Variants in SNRNP200 observed in about 807,000 individuals in gnomAD.
SNRNP200 encodes U5 small nuclear ribonucleoprotein 200 kDa helicase.
In SNRNP200, 66 loss-of-function variants were observed where a neutral mutation model predicts 255.2. The observed-to-expected ratio is 0.26, with a 90% CI of 0.21 to 0.32. SNRNP200 has a LOEUF of 0.32. Among genes scored for constraint, SNRNP200 ranks in the 10% least tolerant of loss-of-function variants. The probability of loss-of-function intolerance (pLI) is 1.00; values close to 1 mark genes in which losing one functional copy is unlikely to be tolerated. For synonymous variants in SNRNP200, 939 were observed against 1,027.8 expected, an observed-to-expected ratio of 0.91 and a Z score of 1.65; for missense variants, 1,585 against 2,749.8, an observed-to-expected ratio of 0.58 and a Z score of 9.47.
rs3214059 is a variant in SNRNP200 at position 96,288,524 on chromosome 2, C to T, written c.3258+139G>A. On this transcript the variant is annotated intron_variant, in intron 24 of 44. Transcript: ENST00000323853. The stretch of plus-strand genomic sequence containing the variant: ...GTGGCTGTACCACACATGCACCAAC[C>T]AACTACCCGGCAAGAGCAGAACTAA... 1.5e-3 allele frequency: 1,105 copies of T among 761,224 alleles called. 17 individuals carry two copies. The East Asian group carries it at 0.026, about 18-fold the overall frequency. The allele number at this position is 761,224 out of a possible 1,614,324, so 47.2% of individuals were successfully genotyped here. A position where few individuals can be genotyped will look rare whatever the true frequency, so the allele number is the denominator to read the frequency against.
At chr2:96,297,787 G>A (rs1489531455) in intron 9 of SNRNP200, 67 bp from the exon 10 acceptor site, 2 of 1,557,674 alleles carry the variant, frequency 1.3e-6, no homozygotes, top group African/African-American at 1.4e-5. Context: ...GTCCTTTTCT[G>A]CCCCTGCTTA....
Position 96,285,344 on chromosome 2 carries a change from G to C in SNRNP200, c.4004-4C>G, listed in dbSNP as rs765154536. ...CTGTTGTATACAGTGTTAAACACTGGAAACCAACAGAAAGAAGCAGTGTAA... is the reference window on the plus strand; with the variant it reads ...CTGTTGTATACAGTGTTAAACACTGCAAACCAACAGAAAGAAGCAGTGTAA... On this transcript the variant is annotated splice_polypyrimidine_tract_variant and splice_region_variant and intron_variant, in intron 29 of 44. Transcript: ENST00000323853. 6.2e-7 allele frequency: 1 copy of C among 1,614,080 alleles called. No individual in the cohort carries two copies.
chr2:96,299,862 G>A (rs2063941836), intron 5 of SNRNP200, among the ~76,000 whole-genome samples: 1 of 152,220 alleles, frequency 6.6e-6, no homozygotes, highest in Admixed American at 6.5e-5. Flanking sequence ...TAGTGTCACA[G>A]TCAAAACAGG....
In SNRNP200 at chr2:96,297,547, GAA is replaced by G; in HGVS notation, c.1204-13_1204-12del. 3 of 1,614,136 alleles carry G rather than the reference GAA, an allele frequency of 1.9e-6. No homozygotes were observed. Among genetic ancestry groups the G allele is most frequent in the Non-Finnish European group, 2.5e-6 (3 of 1,180,004 alleles). On this transcript the variant is annotated splice_polypyrimidine_tract_variant and intron_variant, in intron 10 of 44. Transcript: ENST00000323853. ...CCGTGGAGCCAGTGCCTGGGAATGTGAAAGACAAAAACACAAAGGAAGTAAGC... is the reference window on the plus strand; with the variant it reads ...CCGTGGAGCCAGTGCCTGGGAATGTGAGACAAAAACACAAAGGAAGTAAGC...
At position 96,283,821 on chromosome 2, in the gene SNRNP200, G is replaced by T. The variant is rs756239479; in HGVS notation, c.4576C>A (p.His1526Asn). Residue 1526 changes from histidine (H) to asparagine (N), a missense_variant, in exon 32 of 45, where the codon CAC (histidine) becomes AAC (asparagine). By Grantham distance (68) the His-to-Asn change is moderately conservative. Coordinates refer to ENST00000323853, the MANE Select transcript of SNRNP200 (RefSeq NM_014014.5). This position sits in a 1 kb window ranked among gnomAD's most constrained non-coding sequence, Gnocchi z 4.7. Reference protein sequence around the residue: ...PNVRPVPLELHIQGFNISHTQ... With the variant: ...PNVRPVPLELNIQGFNISHTQ... ...AGGAGAGTGGGTCCTACCTGGATGT[G>T]CAGCTCCAAGGGGACGGGACGCACA... 6.2e-7 allele frequency: 1 copy of T among 1,611,740 alleles called. No individual in the cohort carries two copies. The highest frequency in any genetic ancestry group is 1.1e-5 in the South Asian group (1 of 90,862).
intron 1 of SNRNP200, 73 bp downstream of exon 1, chr2:96,305,320 A>T: frequency 6.3e-7 from 1 of 1,593,942 alleles, no homozygotes. Flanking sequence ...CTTCAGACTG[A>T]AACTCCCTTT....
rs1348305987 is a variant in SNRNP200 at position 96,291,957 on chromosome 2, T to C, written c.2161-57A>G. On this transcript the variant is annotated intron_variant, in intron 16 of 44. Coordinates refer to ENST00000323853, the MANE Select transcript of SNRNP200 (RefSeq NM_014014.5). The surrounding 1 kb of genome is among the most constrained non-coding windows in gnomAD (Gnocchi z 4.2). ...GAGATACTCACAGCCCCAGGGCACC[T>C]GCAGCAGGAAGCAGAAGTTGCACCA... The C allele has an allele frequency of 2.5e-6, 4 of 1,597,224 alleles. No homozygotes were observed. Among genetic ancestry groups the C allele is most frequent in the Non-Finnish European group, 3.4e-6 (4 of 1,171,244 alleles).
chr2:96,289,392 T>C lies in SNRNP200; in HGVS notation c.2941-13A>G, dbSNP rs1573995149. ...CCAGTTCTGTCACCTGGAGAGAAGG[T>C]AGACTCAATCCAGTGCTGACTATTA... On this transcript the variant is annotated splice_polypyrimidine_tract_variant and intron_variant, in intron 21 of 44. Coordinates refer to ENST00000323853, the MANE Select transcript of SNRNP200 (RefSeq NM_014014.5). 6.2e-7 allele frequency: 1 copy of C among 1,613,528 alleles called. No homozygotes were observed. Among genetic ancestry groups the C allele is most frequent in the Non-Finnish European group, 8.5e-7 (1 of 1,179,806 alleles).
At chr2:96,304,650 T>TA in intron 2 of SNRNP200, 55 bp downstream of exon 2, 2 of 1,609,922 alleles carry the variant, frequency 1.2e-6, no homozygotes, top group South Asian at 1.1e-5. Context: ...GCTCGAATGT[T>TA]AAAGGGAAGA....
At position 96,295,657 on chromosome 2, in the gene SNRNP200, C is replaced by A. The variant is rs761340019; in HGVS notation, c.1673G>T (p.Arg558Leu). The change falls in exon 14 of 45, where the codon CGC (arginine) becomes CTC (leucine). Residue 558 changes from arginine to leucine, a missense_variant and splice_region_variant. Transcript: ENST00000323853. ...AACAGTGATGCCATAAGTGGCCAGGCGCTGTGGGAGGAAAACTACATCAGG... is the reference window on the plus strand; with the variant it reads ...AACAGTGATGCCATAAGTGGCCAGGAGCTGTGGGAGGAAAACTACATCAGG... ...VQEMVGSFGK[R>L]LATYGITVAE... 1.2e-6 allele frequency: 2 copies of A among 1,613,272 alleles called. No homozygotes were observed. Among genetic ancestry groups the A allele is most frequent in the African/African-American group, 1.3e-5 (1 of 74,848 alleles).
In SNRNP200 at chr2:96,290,734, T is replaced by C; in HGVS notation, c.2503A>G (p.Ser835Gly). 1.2e-6 allele frequency: 2 copies of C among 1,614,236 alleles called. No homozygotes were observed. The highest frequency in any genetic ancestry group is 1.7e-6 in the Non-Finnish European group (2 of 1,180,044). The stretch of plus-strand genomic sequence containing the variant: ...TCTGTCCAACGCCCCTTCTCTGGAC[T>C]GTACACCTGGGTGCCTTTGATGATG... ...TVIIKGTQVY[S>G]PEKGRWTELG... Residue 835 changes from serine to glycine, a missense_variant, in exon 19 of 45, where the codon AGT becomes GGT. Physicochemically the swap from Ser to Gly is moderately conservative, Grantham distance 56 (BLOSUM62 0). Coordinates refer to ENST00000323853, the MANE Select transcript of SNRNP200 (RefSeq NM_014014.5). The surrounding 1 kb of genome is among the most constrained non-coding windows in gnomAD (Gnocchi z 4.5).
At position 96,283,267 on chromosome 2, in the gene SNRNP200, C is replaced by T; in HGVS notation, c.4849G>A (p.Val1617Met). The change falls in exon 34 of 45, where the codon GTG becomes ATG. Residue 1617 changes from valine to methionine, a missense_variant. Physicochemically the swap from Val to Met is conservative, Grantham distance 21. Coordinates refer to ENST00000323853, the MANE Select transcript of SNRNP200 (RefSeq NM_014014.5). This position sits in a 1 kb window ranked among gnomAD's most constrained non-coding sequence, Gnocchi z 4.7. ...CTGAGCCCCTCATGCAGGTAGCCCACCCCATTTAGCAGCGTTTCCTTGAGC... is the reference window on the plus strand; with the variant it reads ...CTGAGCCCCTCATGCAGGTAGCCCATCCCATTTAGCAGCGTTTCCTTGAGC... ...STLKETLLNG[V>M]GYLHEGLSPM... 1.9e-6 allele frequency: 3 copies of T among 1,614,152 alleles called. No homozygotes were observed. Among genetic ancestry groups the T allele is most frequent in the South Asian group, 2.2e-5 (2 of 91,080 alleles).
At chr2:96,285,001 C>A (rs1440482619) in intron 30 of SNRNP200, 179 bp downstream of exon 30, 3 of 733,134 alleles carry the variant, frequency 4.1e-6, no homozygotes, top group Non-Finnish European at 7.2e-6. Flanking sequence ...CTGCCCGCCT[C>A]GGCCTCCCAA....
At chr2:96,298,774 AAGAT>A in intron 7 of SNRNP200, 37 bp downstream of exon 7, 1 of 1,614,108 alleles carries the variant, frequency 6.2e-7, no homozygotes, top group African/African-American at 1.3e-5. Flanking sequence ...CCCATGTGCT[AAGAT>A]ACACTAAATA....
intron 2 of SNRNP200, among the ~76,000 whole-genome samples, chr2:96,303,888 CAAAA>C (rs757964935): frequency 1.7e-5 from 1 of 57,528 alleles, no homozygotes; most frequent in Non-Finnish European, 3.5e-5. Flanking sequence ...GATTCCGTCT[CAAAA>C]AAAAAAAAAA....
At chr2:96,281,258 C>G (rs1684756383) in intron 35 of SNRNP200, 2 of 161,878 alleles carry the variant, frequency 1.2e-5, no homozygotes, top group African/African-American at 4.9e-5. Context: ...CCTCTGCCTC[C>G]CAGGTTTAAC....
Position 96,283,358 on chromosome 2 carries a change from C to T in SNRNP200, c.4764-6G>A, listed in dbSNP as rs767349827. On this transcript the variant is annotated splice_polypyrimidine_tract_variant and splice_region_variant and intron_variant, in intron 33 of 44. Transcript: ENST00000323853. This position sits in a 1 kb window ranked among gnomAD's most constrained non-coding sequence, Gnocchi z 4.7. Reference sequence around the variant, plus strand: ...TCTCGGTGCAGTGCAAGAACCTGTGCGGTACAGGCACTGGCTCAGCTCAGA... The same window carrying T: ...TCTCGGTGCAGTGCAAGAACCTGTGTGGTACAGGCACTGGCTCAGCTCAGA... The T allele has an allele frequency of 1.5e-5, 24 of 1,613,922 alleles. No individual in the cohort carries two copies. Among genetic ancestry groups the T allele is most frequent in the African/African-American group, 4.0e-5 (3 of 74,900 alleles).
chr2:96,293,258 A>T, intron 15 of SNRNP200, 58 bp downstream of exon 15: 1 of 1,588,514 alleles, frequency 6.3e-7, no homozygotes, highest in Non-Finnish European at 8.6e-7. Context: ...TCCTTGGAAA[A>T]GAGGAAAGAG....
In SNRNP200 at chr2:96,287,780, T is replaced by A. The variant is rs2063852555; in HGVS notation, c.3365+83A>T. On this transcript the variant is annotated intron_variant, in intron 25 of 44. Transcript: ENST00000323853. This position sits in a 1 kb window ranked among gnomAD's most constrained non-coding sequence, Gnocchi z 5.7. The stretch of plus-strand genomic sequence containing the variant: ...TCCGATGTCAGGTCTGGAGATCAGA[T>A]GCACCCTGAGGCTTTCCCATCAGAC... The A allele has an allele frequency of 5.0e-6, 6 of 1,191,720 alleles. No homozygotes were observed. Among genetic ancestry groups the A allele is most frequent in the Non-Finnish European group, 6.3e-6 (5 of 794,904 alleles). 73.8% of individuals were successfully genotyped at this position (1,191,720 alleles called of 1,614,324 possible).
Sources: gnomAD v4.1 joint callset for allele counts (sites outside exome capture counted in the v4.1 genomes callset) on GRCh38, gnomAD v4.1.1 for gene constraint, Gnocchi (gnomAD v3.1) non-coding constraint, MANE v1.5 for transcripts, NCBI Gene and HGNC (gene_info 2026-07-23, HGNC 2026-07-21) for gene names.